The following FNDC3B variants were observed in gnomAD, a reference collection of about 807,000 sequenced individuals.
FNDC3B encodes fibronectin type III domain-containing protein 3B.
Under a neutral mutation model 151.5 loss-of-function variants are expected in FNDC3B, and 12 were observed. The ratio of observed to expected loss-of-function variants is 0.08; its 90% CI spans 0.05 to 0.13. The LOEUF (loss-of-function observed/expected upper bound fraction) is 0.13. Ranked by LOEUF, FNDC3B falls within the 10% of genes least tolerant of loss-of-function variation. FNDC3B has a pLI of 1.00. For synonymous variants in FNDC3B, 528 were observed against 549.0 expected (o/e 0.96, Z 0.54); for missense variants, 1,214 against 1,505.3 (o/e 0.81, Z 3.20).
chr3:172,167,027 T>C (rs951352517), intron 3 of FNDC3B, among the ~76,000 whole-genome samples: 16 of 152,192 alleles, frequency 1.1e-4, no homozygotes, highest in South Asian at 6.2e-4. Context: ...CACTGCAAGG[T>C]TGGAATAGTG....
intron 23 of FNDC3B, among the ~76,000 whole-genome samples, chr3:172,368,340 C>T (rs908853777): frequency 5.4e-4 from 82 of 151,652 alleles, no homozygotes; most frequent in African/African-American, 1.9e-3. Flanking sequence ...TCAGCGTATG[C>T]CTATTATAGA....
intron 3 of FNDC3B, among the ~76,000 whole-genome samples, chr3:172,145,249 C>G (rs372806825): frequency 1.7e-3 from 263 of 152,036 alleles, no homozygotes; most frequent in African/African-American, 5.7e-3. Flanking sequence ...TATTTCTGTT[C>G]CAAATTGATA....
At chr3:172,362,500 T>G in intron 22 of FNDC3B, 133 bp from the exon 23 acceptor site, 1 of 711,628 alleles carries the variant, frequency 1.4e-6, no homozygotes, top group South Asian at 1.9e-5. Flanking sequence ...TGAGTTACTT[T>G]AACTTGTTTT....
intron 6 of FNDC3B, among the ~76,000 whole-genome samples, chr3:172,274,360 T>TA (rs1404731009): frequency 6.6e-6 from 1 of 152,180 alleles, no homozygotes; most frequent in African/African-American, 2.4e-5. Flanking sequence ...CTCCCCGCCT[T>TA]ACCCTTGTTA....
Position 172,334,968 on chromosome 3 carries a change from A to G in FNDC3B, c.1666A>G (p.Lys556Glu). The change falls in exon 15 of 26, where the codon AAA becomes GAA. Residue 556 changes from lysine (K) to glutamate (E), a missense_variant. Physicochemically the swap from Lys to Glu is moderately conservative, Grantham distance 56. Coordinates refer to ENST00000415807, the MANE Select transcript of FNDC3B (RefSeq NM_022763.4). ...GCTGACTGCTTCTAATACGGAAGGA[A>G]AAAGCTGTCCAAGCGAAGTTCTTGT... Reference protein sequence around the residue: ...FRLTASNTEGKSCPSEVLVCT... With the variant: ...FRLTASNTEGESCPSEVLVCT... The G allele has an allele frequency of 6.2e-7, 1 of 1,613,788 alleles. No homozygotes were observed. Among genetic ancestry groups the G allele is most frequent in the Non-Finnish European group, 8.5e-7 (1 of 1,179,820 alleles).
chr3:172,251,058 TC>T (rs1728039030), intron 5 of FNDC3B, among the ~76,000 whole-genome samples: 1 of 152,118 alleles, frequency 6.6e-6, no homozygotes, highest in Non-Finnish European at 1.5e-5. Context: ...GCTCAGACAG[TC>T]CGCCCACCTC....
intron 11 of FNDC3B, among the ~76,000 whole-genome samples, chr3:172,326,041 G>A (rs1266135817): frequency 6.6e-6 from 1 of 152,122 alleles, no homozygotes; most frequent in Admixed American, 6.5e-5. Context: ...GGCCAGGCTG[G>A]TTTCGAACTC....
At chr3:172,321,283 A>G (rs1337728111) in intron 11 of FNDC3B, among the ~76,000 whole-genome samples, 1 of 152,258 alleles carries the variant, frequency 6.6e-6, no homozygotes, top group Non-Finnish European at 1.5e-5. Flanking sequence ...TTGGGATAGC[A>G]TTATTAAAAG....
intron 20 of FNDC3B, 104 bp downstream of exon 20, chr3:172,346,544 G>GTT (rs1434400977): frequency 9.2e-6 from 3 of 324,506 alleles, no homozygotes; most frequent in African/African-American, 8.1e-5. Context: ...ACATATAGAT[G>GTT]ATTTTTTTTT....
chr3:172,065,410 A>C (rs1166186140), intron 1 of FNDC3B, among the ~76,000 whole-genome samples: 1 of 152,214 alleles, frequency 6.6e-6, no homozygotes, highest in African/African-American at 2.4e-5. Flanking sequence ...CATAGGATTC[A>C]TTTTAGTGTA....
intron 3 of FNDC3B, among the ~76,000 whole-genome samples, chr3:172,218,711 G>A (rs1726121486): frequency 1.3e-5 from 2 of 152,218 alleles, no homozygotes; most frequent in Admixed American, 1.3e-4. Flanking sequence ...TGATCAGAGA[G>A]TTTTAAGTAA....
At chr3:172,346,092 AT>A (rs1239607157) in intron 19 of FNDC3B, 3 of 266,156 alleles carry the variant, frequency 1.1e-5, no homozygotes, top group Non-Finnish European at 2.1e-5. Flanking sequence ...CAACCAACTA[AT>A]TATTTTACAA....
At chr3:172,331,265 C>A (rs959637185) in intron 13 of FNDC3B, among the ~76,000 whole-genome samples, 1 of 152,186 alleles carries the variant, frequency 6.6e-6, no homozygotes, top group African/African-American at 2.4e-5. Flanking sequence ...AGAGCTCTTA[C>A]AATGCCCACA....
intron 6 of FNDC3B, among the ~76,000 whole-genome samples, chr3:172,254,169 C>G (rs1728221004): frequency 6.6e-6 from 1 of 152,136 alleles, no homozygotes; most frequent in Non-Finnish European, 1.5e-5. Context: ...AAACTAAGCA[C>G]ATGTAAAAGA....
chr3:172,357,673 G>A (rs1170702265), intron 22 of FNDC3B, among the ~76,000 whole-genome samples: 1 of 151,878 alleles, frequency 6.6e-6, no homozygotes, highest in African/African-American at 2.4e-5. Context: ...TGTGCTCAGA[G>A]GCCTTAATAT....
At chr3:172,276,190 C>CT (rs1336082575) in intron 6 of FNDC3B, among the ~76,000 whole-genome samples, 1 of 152,164 alleles carries the variant, frequency 6.6e-6, no homozygotes, top group Non-Finnish European at 1.5e-5. Flanking sequence ...ACTGAAATCT[C>CT]TCACTTGCAG....
intron 23 of FNDC3B, among the ~76,000 whole-genome samples, chr3:172,376,773 C>T (rs1735163563): frequency 6.7e-6 from 1 of 148,920 alleles, no homozygotes; most frequent in Non-Finnish European, 1.5e-5. Flanking sequence ...GACCAGGGCT[C>T]AGGAACTTGA....
intron 11 of FNDC3B, among the ~76,000 whole-genome samples, chr3:172,314,796 G>C (rs1731697103): frequency 6.6e-6 from 1 of 152,216 alleles, no homozygotes; most frequent in African/African-American, 2.4e-5. Flanking sequence ...CTAACTATAT[G>C]CTGGGCTCTG....
intron 15 of FNDC3B, among the ~76,000 whole-genome samples, chr3:172,336,135 T>C (rs997948008): frequency 2.6e-5 from 4 of 152,192 alleles, no homozygotes; most frequent in African/African-American, 4.8e-5. Context: ...TACTGAAGTA[T>C]ATATACATTA....
Sources: allele counts gnomAD v4.1 joint callset (sites outside exome capture counted in the v4.1 genomes callset), GRCh38; gene constraint gnomAD v4.1.1; transcripts MANE v1.5; gene names NCBI Gene and HGNC (gene_info 2026-07-23, HGNC 2026-07-21).